The following MYH7 variants were observed in gnomAD, a reference collection of about 807,000 sequenced individuals.
The protein encoded by MYH7 is myosin-7.
Under a neutral mutation model 225.4 loss-of-function variants are expected in MYH7, and 129 were observed. That is an observed-to-expected ratio of 0.57 (90% confidence interval 0.50 to 0.66). The LOEUF (loss-of-function observed/expected upper bound fraction) is 0.66. Ranked by LOEUF, MYH7 falls within the 30% of genes least tolerant of loss-of-function variation. The probability of loss-of-function intolerance (pLI) is 0.00; values close to 1 mark genes in which losing one functional copy is unlikely to be tolerated. For missense variants in MYH7, 1,649 were observed against 2,517.0 expected (o/e 0.66, Z 7.38); for synonymous variants, 971 against 1,007.6 (o/e 0.96, Z 0.69).
Position 23,415,851 on chromosome 14 carries a change from G to C in MYH7, c.4954-19C>G, listed in dbSNP as rs535525636. The C allele has an allele frequency of 1.2e-6, 2 of 1,614,134 alleles. No homozygotes were observed. The highest frequency in any genetic ancestry group is 2.7e-5 in the African/African-American group (2 of 75,016). On this transcript the variant is annotated intron_variant, in intron 34 of 39. Coordinates refer to ENST00000355349, the MANE Select transcript of MYH7 (RefSeq NM_000257.4). The surrounding 1 kb of genome is among the most constrained non-coding windows in gnomAD (Gnocchi z 6.3). ...GGGTGTCCTGAGGATCAGGAGAGTG[G>C]GCATGAGCAGGGAGCCAGCCTCGGT...
At position 23,425,732 on chromosome 14, in the gene MYH7, T is replaced by C; in HGVS notation, c.2249A>G (p.Asp750Gly). Residue 750 changes from aspartate (D) to glycine (G), a missense_variant, in exon 20 of 40, where the codon GAC becomes GGC. Around this residue, in one of 12 missense-constraint regions of MYH7, gnomAD observed 41 missense variants for 124.8 expected, o/e 0.33. Transcript: ENST00000355349. The surrounding 1 kb of genome is among the most constrained non-coding windows in gnomAD (Gnocchi z 4.6). ...KGAEKLLSSL[D>G]IDHNQYKFGH... The stretch of plus-strand genomic sequence containing the variant: ...AAACTTGTACTGGTTGTGATCAATG[T>C]CCAGGGAGCTGAGCAGCTTCTCTGC... 2 of 1,614,030 alleles carry C rather than the reference T, an allele frequency of 1.2e-6. No individual in the cohort carries two copies. Among genetic ancestry groups the C allele is most frequent in the South Asian group, 2.2e-5 (2 of 91,078 alleles).
At chr14:23,420,273 C>T in intron 26 of MYH7, 39 bp from the exon 27 acceptor site, 1 of 1,600,790 alleles carries the variant, frequency 6.2e-7, no homozygotes, top group East Asian at 2.3e-5. Context: ...CCGCCTGGAC[C>T]CCTCCACTGG....
intron 25 of MYH7, chr14:23,421,783 G>T (rs574662908): frequency 1.0e-6 from 1 of 985,402 alleles, no homozygotes; most frequent in Admixed American, 6.1e-5. Flanking sequence ...TAATGTGAGG[G>T]CATTTCTTGG....
rs761612117 is a variant in MYH7 at position 23,417,662 on chromosome 14, C to T, written c.4194G>A (p.Gln1398=). The T allele has an allele frequency of 1.2e-6, 2 of 1,613,018 alleles. No individual in the cohort carries two copies. The highest frequency in any genetic ancestry group is 4.5e-5 in the East Asian group (2 of 44,884). The change falls in exon 31 of 40, where the codon CAG becomes CAA. Residue 1398 remains glutamine (Q), a synonymous_variant. Coordinates refer to ENST00000355349, the MANE Select transcript of MYH7 (RefSeq NM_000257.4). ...EAKKKLAQRL[Q]EAEEAVEAVN... is the part of the protein sequence containing the mutation. ...CAGCCTCCACGGCCTCCTCAGCTTC[C>T]TGCAGCCGCTGGGCCAGCTTCTTCC...
rs1163747012 is a variant in MYH7 at position 23,433,234 on chromosome 14, G to A, written c.202-7C>T. 3 of 1,614,158 alleles carry A rather than the reference G, an allele frequency of 1.9e-6. No individual in the cohort carries two copies. The highest frequency in any genetic ancestry group is 1.3e-5 in the African/African-American group (1 of 75,046). On this transcript the variant is annotated splice_region_variant and splice_polypyrimidine_tract_variant and intron_variant, in intron 3 of 39. Coordinates refer to ENST00000355349, the MANE Select transcript of MYH7 (RefSeq NM_000257.4). This position sits in a 1 kb window ranked among gnomAD's most constrained non-coding sequence, Gnocchi z 4.1. ...CCTCCTTCACGGTCACTGTCTGCAA[G>A]AGCCCCCACCCAAGCCCTCCTGTCA...
Position 23,433,057 on chromosome 14 carries a change from C to T in MYH7, c.345+27G>A. 1 of 1,613,980 alleles carries T rather than the reference C, an allele frequency of 6.2e-7. No individual in the cohort carries two copies. Among genetic ancestry groups the T allele is most frequent in the Non-Finnish European group, 8.5e-7 (1 of 1,179,982 alleles). The stretch of plus-strand genomic sequence containing the variant: ...ATGGATGGAGCAAGAACAGAGATCC[C>T]AACGTAGGGCCAGGTGCAGCACTCA... On this transcript the variant is annotated intron_variant, in intron 4 of 39. Transcript: ENST00000355349. The surrounding 1 kb of genome is among the most constrained non-coding windows in gnomAD (Gnocchi z 4.1).
chr14:23,430,452 A>G, intron 11 of MYH7, 108 bp downstream of exon 11: 1 of 883,156 alleles, frequency 1.1e-6, no homozygotes, highest in Non-Finnish European at 1.9e-6. Flanking sequence ...CAGGAGGTCC[A>G]TACCACTTTA....
intron 38 of MYH7, 39 bp downstream of exon 38, chr14:23,413,968 A>G (rs749923218): frequency 5.0e-6 from 8 of 1,613,860 alleles, no homozygotes; most frequent in Admixed American, 3.3e-5. Flanking sequence ...GAGCTCTCCT[A>G]TGCCTCCCCT....
rs764757702 is a variant in MYH7, at chr14:23,429,400, G to C, written c.1139-53C>G. 7.2e-6 allele frequency: 11 copies of C among 1,534,664 alleles called. No individual in the cohort carries two copies. The East Asian group carries it at 2.5e-4, about 35-fold the overall frequency. On this transcript the variant is annotated intron_variant, in intron 12 of 39. Coordinates refer to ENST00000355349, the MANE Select transcript of MYH7 (RefSeq NM_000257.4). ...TGGTAAAGAGATGACTGCTGGCCAG[G>C]TGTGGTGGTTCATGCCTGTAATCCC...
intron 1 of MYH7, among the ~76,000 whole-genome samples, chr14:23,435,176 C>T (rs1160888594): frequency 6.6e-6 from 1 of 152,048 alleles, no homozygotes; most frequent in Admixed American, 6.6e-5. Flanking sequence ...CTACACATTC[C>T]AGGCCTCACA....
chr14:23,425,556 G>A lies in MYH7; in HGVS notation c.2287-138C>T, dbSNP rs1401738319. ...AATGGCAGCTGGAGCTGGGATGAGG[G>A]GAGTGGTGCTAGATGTTCCACTGGG... On this transcript the variant is annotated intron_variant, in intron 20 of 39. Transcript: ENST00000355349. The surrounding 1 kb of genome is among the most constrained non-coding windows in gnomAD (Gnocchi z 4.6). The A allele has an allele frequency of 6.4e-7, 1 of 1,573,242 alleles. No homozygotes were observed. Among genetic ancestry groups the A allele is most frequent in the East Asian group, 2.2e-5 (1 of 44,474 alleles).
At chr14:23,428,933 A>G in intron 14 of MYH7, 22 bp downstream of exon 14, 1 of 1,613,624 alleles carries the variant, frequency 6.2e-7, no homozygotes, top group East Asian at 2.2e-5. Flanking sequence ...TTGTTCTCCC[A>G]CTCCCAGGGG....
rs1478915084 is a variant in MYH7, at chr14:23,429,860, C to A, written c.1053G>T (p.Lys351Asn). Residue 351 changes from lysine (K) to asparagine (N), a missense_variant, in exon 12 of 40, where the codon AAG becomes AAT. This residue lies in a region of MYH7 where 131 missense variants were observed against 231.3 expected (regional missense o/e 0.57). Coordinates refer to ENST00000355349, the MANE Select transcript of MYH7 (RefSeq NM_000257.4). ...CAAAGTGCATGATGGCGCCTGTCAG[C>A]TTATACATGGAGTTTTTCTCCTCTG... ...FTSEEKNSMY[K>N]LTGAIMHFGN... is the part of the protein sequence containing the mutation. 3 of 1,614,110 alleles carry A rather than the reference C, an allele frequency of 1.9e-6. No individual in the cohort carries two copies. Among genetic ancestry groups the A allele is most frequent in the South Asian group, 2.2e-5 (2 of 91,080 alleles).
rs752553589 is a variant in MYH7, at chr14:23,413,775, C to T, written c.5774G>A (p.Arg1925His). Residue 1925 changes from arginine to histidine, a missense_variant, in exon 39 of 40, where the codon CGT becomes CAT. Arg to His is a conservative substitution (Grantham distance 29, BLOSUM62 0). Around this residue, in one of 12 missense-constraint regions of MYH7, gnomAD observed 687 missense variants for 913.8 expected, o/e 0.75. Transcript: ENST00000355349. ...SQVNKLRAKS[R>H]DIGTKGLNEE ...GGGACCCACCTTCGTGCCAATGTCA[C>T]GGCTCTTGGCCCGCAGCTTGTTGAC... 21 of 1,614,082 alleles carry T rather than the reference C, an allele frequency of 1.3e-5. No homozygotes were observed. The highest frequency in any genetic ancestry group is 2.2e-5 in the South Asian group (2 of 91,078).
At chr14:23,419,327 T>G in intron 28 of MYH7, 32 bp from the exon 29 acceptor site, 1 of 1,613,392 alleles carries the variant, frequency 6.2e-7, no homozygotes, top group Non-Finnish European at 8.5e-7. Flanking sequence ...TCAGCACTCC[T>G]CTCTATCCCC....
At position 23,430,645 on chromosome 14, in the gene MYH7, T is replaced by A; in HGVS notation, c.914A>T (p.Asn305Ile). 1 of 1,613,990 alleles carries A rather than the reference T, an allele frequency of 6.2e-7. No homozygotes were observed. Among genetic ancestry groups the A allele is most frequent in the Non-Finnish European group, 8.5e-7 (1 of 1,179,924 alleles). ...GATGAATGCATAATCGTAGGGGTTG[T>A]TGGTGATCAGCAGCATGTCTAGGGG... The part of the protein sequence containing the change: ...PELLDMLLIT[N>I]NPYDYAFISQ... Residue 305 changes from asparagine to isoleucine, a missense_variant, in exon 11 of 40, where the codon AAC becomes ATC. Coordinates refer to ENST00000355349, the MANE Select transcript of MYH7 (RefSeq NM_000257.4).
At chr14:23,416,539 A>G (rs1314114637) in intron 33 of MYH7, among the ~76,000 whole-genome samples, 1 of 152,200 alleles carries the variant, frequency 6.6e-6, no homozygotes, top group African/African-American at 2.4e-5. Flanking sequence ...AAGGAGGAAA[A>G]TGAAGAGAAA....
At position 23,428,912 on chromosome 14, in the gene MYH7, C is replaced by T. The variant is rs184517159; in HGVS notation, c.1407+43G>A. On this transcript the variant is annotated intron_variant, in intron 14 of 39. Transcript: ENST00000355349. The stretch of plus-strand genomic sequence containing the variant: ...AGCAAATAGCTGTTGAATGTGGGAG[C>T]GAGTGAGTGATTGTTCTCCCACTCC... 4.5e-4 allele frequency: 728 copies of T among 1,613,756 alleles called. 3 individuals are homozygous for T. In the African/African-American group the frequency reaches 7.3e-3, roughly 16 times the overall value.
chr14:23,433,601 C>T lies in MYH7; in HGVS notation c.132G>A (p.Gln44=), dbSNP rs575203677. The T allele has an allele frequency of 1.9e-6, 3 of 1,614,256 alleles. No individual in the cohort carries two copies. In the African/African-American group the frequency reaches 4.0e-5, roughly 22 times the overall value. Residue 44 remains glutamine (Q), a synonymous_variant, in exon 3 of 40, where the codon CAG becomes CAA. Transcript: ENST00000355349. The surrounding 1 kb of genome is among the most constrained non-coding windows in gnomAD (Gnocchi z 4.1). ...ACACGATCTTGGCCTTGACAAACTC[C>T]TGTTTGTCATCAGGCACGAAGACAT... The part of the protein sequence containing the change: ...KKDVFVPDDK[Q]EFVKAKIVSR...
Sources: allele counts gnomAD v4.1 joint callset (sites outside exome capture counted in the v4.1 genomes callset), GRCh38; gene constraint gnomAD v4.1.1; regional missense constraint gnomAD v4.1.1; non-coding constraint Gnocchi (gnomAD v3.1); transcripts MANE v1.5; gene names NCBI Gene and HGNC (gene_info 2026-07-23, HGNC 2026-07-21).